STX8: variants seen among roughly 807,000 people sequenced by gnomAD.
The protein encoded by STX8 is syntaxin 8.
In STX8, 23 loss-of-function variants were observed where a neutral mutation model predicts 37.5. The ratio of observed to expected loss-of-function variants is 0.61; its 90% CI spans 0.44 to 0.87. The LOEUF is 0.87. Among genes scored for constraint, STX8 ranks in the 40% least tolerant of loss-of-function variants. The pLI is 0.00. For missense variants in STX8, 313 were observed against 284.7 expected, an observed-to-expected ratio of 1.10 and a Z score of -0.71; for synonymous variants, 115 against 99.1, an observed-to-expected ratio of 1.16 and a Z score of -0.95.
chr17:9,561,527 C>T (rs558169143), intron 2 of STX8, among the ~76,000 whole-genome samples: 14 of 151,802 alleles, frequency 9.2e-5, no homozygotes, highest in African/African-American at 3.4e-4. Flanking sequence ...GGCGTGGTGG[C>T]GGGTGCCTGT....
chr17:9,327,635 G>A (rs1362238483), intron 7 of STX8, among the ~76,000 whole-genome samples: 2 of 152,066 alleles, frequency 1.3e-5, no homozygotes, highest in African/African-American at 4.8e-5. Flanking sequence ...CTGGAAACAG[G>A]GGTCTTATGT....
chr17:9,563,160 T>C (rs947803806), intron 2 of STX8, among the ~76,000 whole-genome samples: 3 of 132,814 alleles, frequency 2.3e-5, no homozygotes, highest in African/African-American at 1.1e-4. Context: ...TCCATTTATT[T>C]ATTTATTTAT....
chr17:9,297,872 G>A (rs1908622283), intron 7 of STX8, among the ~76,000 whole-genome samples: 2 of 152,150 alleles, frequency 1.3e-5, no homozygotes, highest in South Asian at 4.1e-4. Flanking sequence ...GTTAGCTGGG[G>A]ATGCAGCAGG....
intron 3 of STX8, chr17:9,557,203 G>T (rs544721128): frequency 4.4e-6 from 2 of 456,362 alleles, no homozygotes; most frequent in African/African-American, 2.0e-5. Flanking sequence ...AACTGTACAG[G>T]TTATACCCAA....
intron 6 of STX8, among the ~76,000 whole-genome samples, chr17:9,463,383 A>C (rs531489157): frequency 9.2e-5 from 14 of 152,342 alleles, no homozygotes; most frequent in African/African-American, 3.1e-4. Flanking sequence ...AATTACTGAT[A>C]ATAACAGGTA....
chr17:9,369,004 T>C (rs1382224100), intron 7 of STX8, among the ~76,000 whole-genome samples: 2 of 152,008 alleles, frequency 1.3e-5, no homozygotes, highest in Non-Finnish European at 2.9e-5. Context: ...CACCGCAACG[T>C]TGAACTCCTA....
At chr17:9,540,863 C>T (rs1033882026) in intron 4 of STX8, 2 of 152,234 alleles carry the variant, frequency 1.3e-5, no homozygotes, top group Non-Finnish European at 1.5e-5. Flanking sequence ...TGGCCAGTAA[C>T]TTTATTTCAA....
rs570781508 is a variant in STX8, at chr17:9,478,115, C to T, written c.541+13714G>A. ...GAGAACTCCCTTTGTTGCTTTCAAGCTCAGCTAAGAATATGAGAACAGTTT... is the reference window on the plus strand; with the variant it reads ...GAGAACTCCCTTTGTTGCTTTCAAGTTCAGCTAAGAATATGAGAACAGTTT... On this transcript the variant is annotated intron_variant, in intron 6 of 7. Transcript: ENST00000306357. Among the ~76,000 whole-genome samples, 7 of 152,258 alleles carry T rather than the reference C, an allele frequency of 4.6e-5. No homozygotes were observed. In the South Asian group the frequency reaches 1.5e-3, roughly 32 times the overall value.
At chr17:9,334,558 C>T (rs952919285) in intron 7 of STX8, among the ~76,000 whole-genome samples, 4 of 150,166 alleles carry the variant, frequency 2.7e-5, no homozygotes, top group African/African-American at 4.9e-5. Flanking sequence ...AAGGCGGTTT[C>T]GGCTTGGGAA....
intron 6 of STX8, among the ~76,000 whole-genome samples, chr17:9,384,189 C>G (rs1452660716): frequency 6.7e-6 from 1 of 150,360 alleles, no homozygotes; most frequent in Non-Finnish European, 1.5e-5. Flanking sequence ...TTTAAAGATA[C>G]TGGTTCATTT....
At position 9,447,515 on chromosome 17, in the gene STX8, C is replaced by T. The variant is rs368215065; in HGVS notation, c.541+44314G>A. On this transcript the variant is annotated intron_variant, in intron 6 of 7. Coordinates refer to ENST00000306357, the MANE Select transcript of STX8 (RefSeq NM_004853.3). ...TCAGCTCACTGCAACCTCGGCCTCC[C>T]GAGTTCAAGCAATTCTTCTGCTTCA... is the stretch of plus-strand genomic sequence containing the variant. 1.0e-3 allele frequency among the ~76,000 whole-genome samples: 153 copies of T among 152,256 alleles called. 1 individual carries two copies. The highest frequency in any genetic ancestry group is 3.6e-3 in the African/African-American group (149 of 41,570).
At chr17:9,441,857 A>G (rs1289897757) in intron 6 of STX8, among the ~76,000 whole-genome samples, 1 of 151,546 alleles carries the variant, frequency 6.6e-6, no homozygotes, top group Admixed American at 6.6e-5. Flanking sequence ...TTGTATTTTT[A>G]GTAGAGACGG....
At chr17:9,501,076 G>T (rs1904592914) in intron 5 of STX8, among the ~76,000 whole-genome samples, 1 of 152,110 alleles carries the variant, frequency 6.6e-6, no homozygotes, top group Admixed American at 6.6e-5. Context: ...GACACGTATA[G>T]CAAAAACTAA....
chr17:9,485,751 A>T (rs1198947865), intron 6 of STX8, among the ~76,000 whole-genome samples: 1 of 152,018 alleles, frequency 6.6e-6, no homozygotes, highest in African/African-American at 2.4e-5. Flanking sequence ...ACACCCAGCT[A>T]ATTTTTTTAT....
chr17:9,398,400 A>G (rs1001404606), intron 6 of STX8, among the ~76,000 whole-genome samples: 1 of 152,202 alleles, frequency 6.6e-6, no homozygotes, highest in South Asian at 2.1e-4. Context: ...GAAATACCTG[A>G]GCATTACCCC....
At chr17:9,414,995 T>A (rs997793238) in intron 6 of STX8, among the ~76,000 whole-genome samples, 9 of 151,988 alleles carry the variant, frequency 5.9e-5, no homozygotes, top group Admixed American at 2.6e-4. Context: ...TTCACCATGT[T>A]GGCCAGGCTG....
At chr17:9,410,052 A>G (rs1245457818) in intron 6 of STX8, among the ~76,000 whole-genome samples, 1 of 152,250 alleles carries the variant, frequency 6.6e-6, no homozygotes, top group African/African-American at 2.4e-5. Context: ...CAAGAAATCC[A>G]AAAACTGCTT....
intron 6 of STX8, among the ~76,000 whole-genome samples, chr17:9,385,552 T>G (rs901210231): frequency 6.6e-6 from 1 of 152,106 alleles, no homozygotes; most frequent in Non-Finnish European, 1.5e-5. Context: ...AATAAACACA[T>G]GAAAAACAGC....
intron 6 of STX8, among the ~76,000 whole-genome samples, chr17:9,480,372 T>C (rs539114516): frequency 4.2e-4 from 64 of 152,312 alleles, no homozygotes; most frequent in African/African-American, 1.5e-3. Context: ...ACACTTTTTC[T>C]TATTAGGAAA....
Sources: gnomAD v4.1 joint callset for allele counts (sites outside exome capture counted in the v4.1 genomes callset) on GRCh38, gnomAD v4.1.1 for gene constraint, MANE v1.5 for transcripts, NCBI Gene and HGNC (gene_info 2026-07-23, HGNC 2026-07-21) for gene names.